ROR1: variants seen among roughly 807,000 people sequenced by gnomAD.
The protein encoded by ROR1 is inactive tyrosine-protein kinase transmembrane receptor ROR1.
In ROR1, 19 loss-of-function variants were observed where a neutral mutation model predicts 78.8. The observed-to-expected ratio is 0.24, with a 90% CI of 0.17 to 0.35. ROR1 has a LOEUF of 0.35. Among genes scored for constraint, ROR1 ranks in the 10% least tolerant of loss-of-function variants. The pLI, the probability that ROR1 is intolerant of heterozygous loss-of-function variation, is 1.00. For missense variants in ROR1, 917 were observed against 1,177.8 expected (o/e 0.78, Z 3.24); for synonymous variants, 386 against 433.6 (o/e 0.89, Z 1.36).
intron 4 of ROR1, among the ~76,000 whole-genome samples, chr1:64,125,349 A>G (rs970985846): frequency 6.6e-6 from 1 of 152,208 alleles, no homozygotes; most frequent in African/African-American, 2.4e-5. Context: ...TGCAGAATCT[A>G]CAGGAGTGTC....
At chr1:63,794,118 C>T (rs2100242737) in intron 1 of ROR1, among the ~76,000 whole-genome samples, 1 of 152,310 alleles carries the variant, frequency 6.6e-6, no homozygotes, top group South Asian at 2.1e-4. Flanking sequence ...CCAAAGGGGC[C>T]TCTGACAAAG....
At chr1:63,820,664 T>C (rs1644918523) in intron 1 of ROR1, among the ~76,000 whole-genome samples, 1 of 152,204 alleles carries the variant, frequency 6.6e-6, no homozygotes, top group Non-Finnish European at 1.5e-5. Flanking sequence ...AGAATGAACA[T>C]ACTAAGGGTT....
intron 1 of ROR1, among the ~76,000 whole-genome samples, chr1:64,005,710 A>G (rs1053609930): frequency 2.6e-5 from 4 of 152,180 alleles, no homozygotes; most frequent in African/African-American, 7.2e-5. Flanking sequence ...AGCTTATTAA[A>G]CATCACTTTG....
In ROR1 at chr1:63,906,912, G is replaced by C. The variant is rs144254996; in HGVS notation, c.92-102393G>C. On this transcript the variant is annotated intron_variant, in intron 1 of 8. Transcript: ENST00000371079. Reference sequence around the variant, plus strand: ...TTCCCAAATCCAAAGCAAAGTGAATGCTTCAATATTACTTTATCCAGAGCC... The same window carrying C: ...TTCCCAAATCCAAAGCAAAGTGAATCCTTCAATATTACTTTATCCAGAGCC... 1.1e-3 allele frequency among the ~76,000 whole-genome samples: 170 copies of C among 152,272 alleles called. 1 individual carries two copies. The highest frequency in any genetic ancestry group is 7.5e-3 in the Admixed American group (114 of 15,290).
intron 1 of ROR1, among the ~76,000 whole-genome samples, chr1:63,781,761 G>T (rs546071621): frequency 1.3e-5 from 2 of 152,296 alleles, no homozygotes; most frequent in African/African-American, 4.8e-5. Context: ...CCAGTGAGAG[G>T]CCTGATCAGG....
At chr1:64,143,447 C>T (rs1463973197) in intron 7 of ROR1, 1 of 972,134 alleles carries the variant, frequency 1.0e-6, no homozygotes, top group Non-Finnish European at 1.2e-6. Context: ...GATCCTAGTT[C>T]TCATAGATAT....
At chr1:63,841,797 G>A (rs61765126) in intron 1 of ROR1, among the ~76,000 whole-genome samples, 4,440 of 152,272 alleles carry the variant, frequency 0.029, 67 homozygotes, top group South Asian at 0.049. Flanking sequence ...GAATATGATG[G>A]TTTCTGTATG....
intron 4 of ROR1, among the ~76,000 whole-genome samples, chr1:64,069,468 T>C (rs1646984549): frequency 6.6e-6 from 1 of 152,084 alleles, no homozygotes; most frequent in South Asian, 2.1e-4. Flanking sequence ...AGCAGTCTGA[T>C]AGGATTTCAA....
At chr1:63,843,337 C>T (rs1645060842) in intron 1 of ROR1, 1 of 1,050,434 alleles carries the variant, frequency 9.5e-7, no homozygotes, top group Admixed American at 1.7e-5. Context: ...TTGGAGCTGG[C>T]ATAGATCATT....
intron 1 of ROR1, among the ~76,000 whole-genome samples, chr1:63,956,748 T>C (rs1001384868): frequency 6.6e-6 from 1 of 152,242 alleles, no homozygotes. Context: ...ATGCCTGTAG[T>C]GAAAGAATTC....
intron 8 of ROR1, among the ~76,000 whole-genome samples, chr1:64,171,645 G>T (rs138727719): frequency 1.3e-5 from 2 of 152,174 alleles, no homozygotes; most frequent in Non-Finnish European, 1.5e-5. Context: ...GGGACCACAG[G>T]GGGAGGTTTG....
intron 1 of ROR1, among the ~76,000 whole-genome samples, chr1:63,794,143 G>A (rs997486798): frequency 3.9e-5 from 6 of 152,180 alleles, no homozygotes; most frequent in Non-Finnish European, 1.5e-5. Flanking sequence ...TGTGACCAAA[G>A]TCAAAATATG....
intron 4 of ROR1, among the ~76,000 whole-genome samples, chr1:64,055,266 T>C (rs1051091548): frequency 6.6e-6 from 1 of 152,242 alleles, no homozygotes; most frequent in Non-Finnish European, 1.5e-5. Flanking sequence ...TGAAAATAGA[T>C]GTTTGGTAAT....
intron 1 of ROR1, among the ~76,000 whole-genome samples, chr1:63,823,764 CTT>C (rs879676151): frequency 6.9e-6 from 1 of 144,950 alleles, no homozygotes. Flanking sequence ...AAATCTTAAA[CTT>C]TTTTTTTTTT....
intron 1 of ROR1, chr1:63,843,167 TC>T (rs1645059727): frequency 9.3e-7 from 1 of 1,072,892 alleles, no homozygotes; most frequent in African/African-American, 1.6e-5. Context: ...TGCCAGATGC[TC>T]CAGGCAGGTG....
At chr1:64,013,480 C>T (rs1570058128) in intron 2 of ROR1, among the ~76,000 whole-genome samples, 1 of 152,164 alleles carries the variant, frequency 6.6e-6, no homozygotes, top group East Asian at 1.9e-4. Flanking sequence ...CATTCTCTTT[C>T]CAGCCTCTAT....
At chr1:64,163,491 G>A (rs1490554581) in intron 8 of ROR1, among the ~76,000 whole-genome samples, 2 of 152,142 alleles carry the variant, frequency 1.3e-5, no homozygotes, top group Non-Finnish European at 2.9e-5. Flanking sequence ...GGTGTGAGAT[G>A]CAGCCAAAGC....
intron 8 of ROR1, among the ~76,000 whole-genome samples, chr1:64,162,630 T>C (rs915967725): frequency 1.3e-5 from 2 of 149,168 alleles, no homozygotes; most frequent in Non-Finnish European, 3.0e-5. Flanking sequence ...GGAGAAGAAG[T>C]AGACTGCATT....
chr1:64,080,990 C>T (rs1647097054), intron 4 of ROR1, among the ~76,000 whole-genome samples: 2 of 152,200 alleles, frequency 1.3e-5, no homozygotes, highest in African/African-American at 4.8e-5. Flanking sequence ...TAACATGTAC[C>T]TACACCTCTG....
Sources: allele counts gnomAD v4.1 joint callset (sites outside exome capture counted in the v4.1 genomes callset), GRCh38; gene constraint gnomAD v4.1.1; transcripts MANE v1.5; gene names NCBI Gene and HGNC (gene_info 2026-07-23, HGNC 2026-07-21).